SGCZ: variants seen among roughly 807,000 people sequenced by gnomAD.
SGCZ encodes sarcoglycan zeta.
Under a neutral mutation model 41.3 loss-of-function variants are expected in SGCZ, and 40 were observed. That is an observed-to-expected ratio of 0.97 (90% CI 0.75 to 1.26). SGCZ has a LOEUF of 1.26. Ranked by LOEUF, SGCZ falls within the 50% of genes most tolerant of loss-of-function variation. The probability of loss-of-function intolerance (pLI) is 0.00; values close to 1 mark genes in which losing one functional copy is unlikely to be tolerated. For missense variants in SGCZ, 552 were observed against 369.8 expected (o/e 1.49, Z -4.04); for synonymous variants, 206 against 137.5 (o/e 1.50, Z -3.49).
At chr8:14,597,373 T>C (rs149018906) in intron 1 of SGCZ, among the ~76,000 whole-genome samples, 5 of 152,346 alleles carry the variant, frequency 3.3e-5, no homozygotes, top group East Asian at 1.9e-4. Flanking sequence ...GTGCTTTCAA[T>C]AGTAATAAAA....
At chr8:15,121,878 G>A (rs1473129998) in intron 1 of SGCZ, among the ~76,000 whole-genome samples, 2 of 145,830 alleles carry the variant, frequency 1.4e-5, no homozygotes. Context: ...GACCAAACAT[G>A]GGCTTTCTTT....
intron 2 of SGCZ, among the ~76,000 whole-genome samples, chr8:14,417,532 A>T (rs1295825663): frequency 6.6e-6 from 1 of 151,886 alleles, no homozygotes. Flanking sequence ...GGATTGTTCC[A>T]TGAACTGTAA....
chr8:14,326,528 C>T (rs1197457831), intron 2 of SGCZ, among the ~76,000 whole-genome samples: 1 of 151,916 alleles, frequency 6.6e-6, no homozygotes. Flanking sequence ...TCTGGATTGC[C>T]CCATAGAAGG....
chr8:14,369,855 A>G (rs1347668793), intron 2 of SGCZ, among the ~76,000 whole-genome samples: 1 of 152,010 alleles, frequency 6.6e-6, no homozygotes, highest in Non-Finnish European at 1.5e-5. Flanking sequence ...CTTAGCATAT[A>G]ATTAGGCAAT....
At position 14,458,256 on chromosome 8, in the gene SGCZ, A is replaced by G. The variant is rs776844938; in HGVS notation, c.234+96476T>C. Among the ~76,000 whole-genome samples, 99 of 152,320 alleles carry G rather than the reference A, an allele frequency of 6.5e-4. 1 individual carries two copies. Among genetic ancestry groups the G allele is most frequent in the Non-Finnish European group, 1.3e-3 (91 of 68,008 alleles). On this transcript the variant is annotated intron_variant, in intron 2 of 7. Coordinates refer to ENST00000382080, the MANE Select transcript of SGCZ (RefSeq NM_139167.4). ...AATGAAACTAGCTATATTACAAATG[A>G]AAAACGTAAGCACACAAATATTTGG...
At chr8:15,145,823 C>T (rs1472271331) in intron 1 of SGCZ, among the ~76,000 whole-genome samples, 1 of 152,034 alleles carries the variant, frequency 6.6e-6, no homozygotes, top group East Asian at 1.9e-4. Context: ...AGGTAAAAGA[C>T]TAAAAGAAAA....
At position 14,087,033 on chromosome 8, in the gene SGCZ, A is replaced by C. The variant is rs1801540585; in HGVS notation, c.*3410T>G. ...ATGACTAGCCAGGGGCAGAACTAGA[A>C]CTGGAATTGCTGGCTCCATTTTCCG... is the stretch of plus-strand genomic sequence containing the variant. On this transcript the variant is annotated 3_prime_UTR_variant, in exon 8 of 8. Transcript: ENST00000382080. 6.6e-6 allele frequency among the ~76,000 whole-genome samples: 1 copy of C among 151,608 alleles called. No individual in the cohort carries two copies. The highest frequency in any genetic ancestry group is 6.6e-5 in the Admixed American group (1 of 15,170).
intron 5 of SGCZ, among the ~76,000 whole-genome samples, chr8:14,117,770 T>A (rs546885428): frequency 6.6e-5 from 10 of 151,498 alleles, no homozygotes; most frequent in African/African-American, 2.2e-4. Context: ...GTGTGTGATG[T>A]TCCTCTCCCT....
rs149675223 is a variant in SGCZ, at chr8:14,646,591, G to C, written c.40-91665C>G. ...TATACATCCGGTAATAGTTTTGCTG[G>C]ATTGGATGGTAGTTGTGTTTTAAGC... On this transcript the variant is annotated intron_variant, in intron 1 of 7. Transcript: ENST00000382080. Among the ~76,000 whole-genome samples the C allele has an allele frequency of 3.0e-3, 450 of 151,892 alleles. 1 individual carries two copies. Among genetic ancestry groups the C allele is most frequent in the African/African-American group, 9.6e-3 (398 of 41,488 alleles).
At chr8:14,968,885 A>G (rs1418088377) in intron 1 of SGCZ, among the ~76,000 whole-genome samples, 1 of 152,162 alleles carries the variant, frequency 6.6e-6, no homozygotes, top group Non-Finnish European at 1.5e-5. Context: ...AATGACCTAG[A>G]TGGCTTTTCA....
chr8:14,674,406 A>C (rs559902812), intron 1 of SGCZ, among the ~76,000 whole-genome samples: 36 of 152,338 alleles, frequency 2.4e-4, no homozygotes, highest in Middle Eastern at 3.4e-3. Flanking sequence ...TTACAAGAAA[A>C]AAGATAAACT....
intron 2 of SGCZ, among the ~76,000 whole-genome samples, chr8:14,325,795 A>G (rs1208169203): frequency 2.6e-5 from 3 of 116,622 alleles, no homozygotes; most frequent in African/African-American, 9.8e-5. Context: ...TATATATATC[A>G]ACCAGCACAT....
intron 1 of SGCZ, among the ~76,000 whole-genome samples, chr8:15,160,822 C>A (rs993080114): frequency 6.6e-6 from 1 of 152,184 alleles, no homozygotes; most frequent in Non-Finnish European, 1.5e-5. Flanking sequence ...GCACATGCCA[C>A]CGTCTATGCC....
chr8:15,123,598 C>A (rs1385769401), intron 1 of SGCZ, among the ~76,000 whole-genome samples: 1 of 152,130 alleles, frequency 6.6e-6, no homozygotes, highest in Non-Finnish European at 1.5e-5. Flanking sequence ...TAGCAAGAAC[C>A]TGGGTGTCTT....
At chr8:14,595,217 T>G (rs1805369606) in intron 1 of SGCZ, among the ~76,000 whole-genome samples, 1 of 152,178 alleles carries the variant, frequency 6.6e-6, no homozygotes, top group South Asian at 2.1e-4. Context: ...ACTCTTTATG[T>G]AAAGCCCTTC....
intron 1 of SGCZ, among the ~76,000 whole-genome samples, chr8:15,206,931 T>G (rs1185940099): frequency 1.3e-5 from 2 of 152,142 alleles, no homozygotes; most frequent in African/African-American, 4.8e-5. Flanking sequence ...AAATTTGCTG[T>G]AACAAGACAA....
chr8:14,421,211 TAAGGGGC>T (rs1219854311), intron 2 of SGCZ, among the ~76,000 whole-genome samples: 2 of 152,028 alleles, frequency 1.3e-5, no homozygotes, highest in African/African-American at 4.8e-5. Flanking sequence ...ACCAAAAAGG[TAAGGGGC>T]TATTGATCTC....
intron 1 of SGCZ, among the ~76,000 whole-genome samples, chr8:14,963,028 G>C (rs1801011556): frequency 6.6e-6 from 1 of 152,120 alleles, no homozygotes; most frequent in African/African-American, 2.4e-5. Flanking sequence ...GAAAGTTTCT[G>C]GACTGAAAGT....
At chr8:15,229,511 A>G (rs550158744) in intron 1 of SGCZ, among the ~76,000 whole-genome samples, 1 of 152,334 alleles carries the variant, frequency 6.6e-6, no homozygotes, top group Non-Finnish European at 1.5e-5. Context: ...ATAAAATTAA[A>G]TGTAAATCAG....
Sources: gnomAD v4.1 joint callset for allele counts (sites outside exome capture counted in the v4.1 genomes callset) on GRCh38, gnomAD v4.1.1 for gene constraint, MANE v1.5 for transcripts, NCBI Gene and HGNC (gene_info 2026-07-23, HGNC 2026-07-21) for gene names.